RBFOX1: variants seen among roughly 807,000 people sequenced by gnomAD.
The protein encoded by RBFOX1 is RNA binding fox-1 homolog 1, also known as RNA binding protein fox-1 homolog 1.
RBFOX1 carries 8 observed loss-of-function variants against 57.7 expected under a neutral mutation model. That is an observed-to-expected ratio of 0.14 (90% CI 0.08 to 0.25). The LOEUF (loss-of-function observed/expected upper bound fraction) is 0.25. RBFOX1 is among the 10% of genes least tolerant of loss of function. The pLI, the probability that RBFOX1 is intolerant of heterozygous loss-of-function variation, is 1.00. For synonymous variants in RBFOX1, 326 were observed against 222.4 expected (o/e 1.47, Z -4.15); for missense variants, 611 against 548.5 (o/e 1.11, Z -1.14).
chr16:6,871,509 C>G (rs2060876479), intron 3 of RBFOX1, among the ~76,000 whole-genome samples: 1 of 152,016 alleles, frequency 6.6e-6, no homozygotes, highest in Non-Finnish European at 1.5e-5. Flanking sequence ...TGACTCTTTC[C>G]TCTCCCTTAT....
At chr16:7,470,084 G>A (rs139009571) in intron 4 of RBFOX1, among the ~76,000 whole-genome samples, 114 of 148,892 alleles carry the variant, frequency 7.7e-4, no homozygotes, top group Non-Finnish European at 4.4e-5. Context: ...CATGTTATCT[G>A]TTCATATGTC....
intron 4 of RBFOX1, among the ~76,000 whole-genome samples, chr16:5,886,699 C>G (rs759554803): frequency 4.6e-5 from 7 of 152,128 alleles, no homozygotes; most frequent in Admixed American, 1.3e-4. Flanking sequence ...ACCAGCCTGG[C>G]CAATATGGGG....
At chr16:7,372,746 G>C (rs1323573079) in intron 4 of RBFOX1, among the ~76,000 whole-genome samples, 1 of 151,840 alleles carries the variant, frequency 6.6e-6, no homozygotes, top group East Asian at 1.9e-4. Flanking sequence ...AATATAAAAA[G>C]CAGCAATGGG....
chr16:6,851,801 C>T (rs957797772), intron 3 of RBFOX1, among the ~76,000 whole-genome samples: 8 of 152,206 alleles, frequency 5.3e-5, no homozygotes, highest in African/African-American at 1.7e-4. Flanking sequence ...TAACTCCTTC[C>T]TCTGGGCATC....
intron 1 of RBFOX1, among the ~76,000 whole-genome samples, chr16:6,071,346 A>C (rs1274287352): frequency 6.6e-6 from 1 of 152,190 alleles, no homozygotes; most frequent in East Asian, 1.9e-4. Flanking sequence ...ACAAACAAAG[A>C]AACGGTAATG....
In RBFOX1 at chr16:6,749,846, T is replaced by C. The variant is rs1364636493; in HGVS notation, c.-16+95196T>C. ...ATTTCGTTTTGCTTTCTGTTTCCCT[T>C]GAAATAATAGTCAGCAGGAAACACA... On this transcript the variant is annotated intron_variant, in intron 3 of 15. Transcript: ENST00000550418. Among the ~76,000 whole-genome samples, 3 of 152,186 alleles carry C rather than the reference T, an allele frequency of 2.0e-5. No individual in the cohort carries two copies. The East Asian group carries it at 5.8e-4, about 29-fold the overall frequency.
chr16:6,128,625 G>A (rs541103241), intron 1 of RBFOX1, among the ~76,000 whole-genome samples: 31 of 152,288 alleles, frequency 2.0e-4, no homozygotes, highest in Non-Finnish European at 3.4e-4. Context: ...ATCGTTTTGG[G>A]GTCAGGTGCC....
chr16:5,638,599 C>T (rs1013448651), intron 3 of RBFOX1, among the ~76,000 whole-genome samples: 1 of 152,176 alleles, frequency 6.6e-6, no homozygotes, highest in African/African-American at 2.4e-5. Context: ...GGGATTGTGC[C>T]TCTACCTTCT....
At chr16:7,563,089 T>C (rs898091532) in intron 5 of RBFOX1, among the ~76,000 whole-genome samples, 6 of 152,208 alleles carry the variant, frequency 3.9e-5, no homozygotes. Flanking sequence ...TGAACCTCAA[T>C]TTCTTTGCCG....
chr16:5,753,965 A>G (rs2053307181), intron 3 of RBFOX1, among the ~76,000 whole-genome samples: 1 of 152,104 alleles, frequency 6.6e-6, no homozygotes, highest in Non-Finnish European at 1.5e-5. Context: ...GTAATTATCT[A>G]GCCTCTCCAC....
chr16:7,571,844 C>A (rs1166079767), intron 5 of RBFOX1, among the ~76,000 whole-genome samples: 1 of 152,128 alleles, frequency 6.6e-6, no homozygotes, highest in Non-Finnish European at 1.5e-5. Flanking sequence ...AAAACAAAAG[C>A]TAGGCCCGGC....
At chr16:6,654,458 G>A in intron 2 of RBFOX1, 145 bp from the exon 3 acceptor site, 4 of 629,084 alleles carry the variant, frequency 6.4e-6, no homozygotes, top group Non-Finnish European at 7.8e-6. Context: ...GCACTATAAA[G>A]AGCAATGACT....
chr16:5,424,947 T>C (rs12933907), intron 1 of RBFOX1, among the ~76,000 whole-genome samples: 5,628 of 79,020 alleles, frequency 0.071, 551 homozygotes, highest in Middle Eastern at 0.17. Context: ...CTCTCTTCTT[T>C]CTTCCTTTGT....
intron 4 of RBFOX1, among the ~76,000 whole-genome samples, chr16:5,884,464 A>AC (rs996443562): frequency 6.7e-5 from 2 of 29,936 alleles, no homozygotes; most frequent in Non-Finnish European, 1.6e-4. Flanking sequence ...GCTCCCCACC[A>AC]CCCCCCTACC....
At chr16:6,613,916 C>T (rs767368572) in intron 2 of RBFOX1, among the ~76,000 whole-genome samples, 7 of 151,958 alleles carry the variant, frequency 4.6e-5, no homozygotes, top group African/African-American at 1.2e-4. Flanking sequence ...CCAGCCTGGG[C>T]GACAGAGTGT....
At chr16:6,962,714 A>T (rs1026380847) in intron 3 of RBFOX1, among the ~76,000 whole-genome samples, 1 of 152,048 alleles carries the variant, frequency 6.6e-6, no homozygotes, top group Non-Finnish European at 1.5e-5. Context: ...ATAGTAAAAA[A>T]TTAGTCAGGA....
intron 3 of RBFOX1, among the ~76,000 whole-genome samples, chr16:5,850,609 G>A (rs559410783): frequency 3.3e-5 from 5 of 152,196 alleles, no homozygotes; most frequent in South Asian, 2.1e-4. Flanking sequence ...AACTATTTTC[G>A]GTGTCTTATG....
intron 1 of RBFOX1, among the ~76,000 whole-genome samples, chr16:6,269,984 C>A (rs780253102): frequency 1.8e-4 from 28 of 152,128 alleles, no homozygotes; most frequent in Middle Eastern, 3.4e-3. Flanking sequence ...AAGATTTCCA[C>A]ACTTCATTCA....
rs561323509 is a variant in RBFOX1 at position 6,665,473 on chromosome 16, A to G, written c.-16+10823A>G. On this transcript the variant is annotated intron_variant, in intron 3 of 15. Transcript: ENST00000550418. ...TGCTAAAAATAAAAAATATAAAAAA[A>G]TATTAGCCAGGCATAGTGACAGGCA... is the stretch of plus-strand genomic sequence containing the variant. 5.9e-5 allele frequency among the ~76,000 whole-genome samples: 9 copies of G among 152,252 alleles called. No individual in the cohort carries two copies. In the South Asian group the frequency reaches 1.7e-3, roughly 28 times the overall value.
Sources: allele counts gnomAD v4.1 joint callset (sites outside exome capture counted in the v4.1 genomes callset), GRCh38; gene constraint gnomAD v4.1.1; transcripts MANE v1.5; gene names NCBI Gene and HGNC (gene_info 2026-07-23, HGNC 2026-07-21).